Variants in ZNF462 observed in about 807,000 individuals in gnomAD.
ZNF462 encodes zinc finger PBX1-interacting protein.
In ZNF462, 10 loss-of-function variants were observed where a neutral mutation model predicts 201.9. The observed-to-expected ratio is 0.05, with a 90% CI of 0.03 to 0.08. The LOEUF (loss-of-function observed/expected upper bound fraction) is 0.08, where lower values mean the gene tolerates loss of function less well. Ranked by LOEUF, ZNF462 falls within the 10% of genes least tolerant of loss-of-function variation. The pLI is 1.00. For missense variants in ZNF462, 2,523 were observed against 3,168.3 expected (o/e 0.80, Z 4.89); for synonymous variants, 1,227 against 1,193.3 (o/e 1.03, Z -0.58).
At chr9:106,997,354 CTCAA>C (rs1300829892) in intron 10 of ZNF462, among the ~76,000 whole-genome samples, 1 of 152,124 alleles carries the variant, frequency 6.6e-6, no homozygotes, top group Non-Finnish European at 1.5e-5. Context: ...AAATCAGTGT[CTCAA>C]AGAGCTACTG....
intron 1 of ZNF462, among the ~76,000 whole-genome samples, chr9:106,888,215 G>A (rs1173366714): frequency 2.6e-4 from 40 of 151,222 alleles, no homozygotes; most frequent in Admixed American, 2.6e-3. Context: ...CTAATTTTTT[G>A]TATTTTTAGT....
Position 106,926,654 on chromosome 9 carries a change from T to C in ZNF462, c.2742T>C (p.Asn914=), listed in dbSNP as rs1203711630. The C allele has an allele frequency of 1.2e-6, 2 of 1,613,752 alleles. No individual in the cohort carries two copies. The highest frequency in any genetic ancestry group is 1.7e-5 in the Admixed American group (1 of 59,988). The part of the protein sequence containing the change: ...HYGEHHPEAM[N]VLNFDHSDLI... ...GCGAGCACCACCCAGAAGCCATGAA[T>C]GTACTCAACTTTGATCACTCGGACC... Residue 914 remains asparagine, a synonymous_variant, in exon 3 of 13, where the codon AAT becomes AAC. Coordinates refer to ENST00000277225, the MANE Select transcript of ZNF462 (RefSeq NM_021224.6). This position sits in a 1 kb window ranked among gnomAD's most constrained non-coding sequence, Gnocchi z 7.9.
intron 7 of ZNF462, among the ~76,000 whole-genome samples, chr9:106,961,751 G>A (rs1324061953): frequency 6.6e-6 from 1 of 151,996 alleles, no homozygotes; most frequent in Non-Finnish European, 1.5e-5. Context: ...AGCATGATAT[G>A]TAGTAGTAGG....
At position 106,876,037 on chromosome 9, in the gene ZNF462, C is replaced by G. The variant is rs1443636236; in HGVS notation, c.-31+12682C>G. ...TGCAAATAGTCATCTCTTAGAATTTCTGGGGTGAAAATGCAGTTCTCTGTG... is the reference window on the plus strand; with the variant it reads ...TGCAAATAGTCATCTCTTAGAATTTGTGGGGTGAAAATGCAGTTCTCTGTG... On this transcript the variant is annotated intron_variant, in intron 1 of 12. Coordinates refer to ENST00000277225, the MANE Select transcript of ZNF462 (RefSeq NM_021224.6). This position sits in a 1 kb window ranked among gnomAD's most constrained non-coding sequence, Gnocchi z 4.9. Among the ~76,000 whole-genome samples the G allele has an allele frequency of 1.3e-5, 2 of 152,080 alleles. No individual in the cohort carries two copies. Among genetic ancestry groups the G allele is most frequent in the African/African-American group, 4.8e-5 (2 of 41,400 alleles).
intron 1 of ZNF462, among the ~76,000 whole-genome samples, chr9:106,894,980 T>C (rs1306713424): frequency 1.3e-5 from 2 of 152,206 alleles, no homozygotes; most frequent in Non-Finnish European, 2.9e-5. Context: ...ATGGCTGGCA[T>C]GATTTTTTAA....
chr9:106,892,840 T>G (rs1828647527), intron 1 of ZNF462, among the ~76,000 whole-genome samples: 1 of 152,174 alleles, frequency 6.6e-6, no homozygotes, highest in African/African-American at 2.4e-5. Context: ...AGAGAGCCTT[T>G]CACCCTTAAT....
intron 7 of ZNF462, among the ~76,000 whole-genome samples, chr9:106,956,581 A>T (rs1194539293): frequency 2.6e-5 from 4 of 152,058 alleles, no homozygotes. Context: ...GCCAGTTATT[A>T]ACTTCCCCTT....
chr9:106,987,009 A>C (rs190953208), intron 10 of ZNF462, among the ~76,000 whole-genome samples: 169 of 152,084 alleles, frequency 1.1e-3, no homozygotes, highest in African/African-American at 3.8e-3. Context: ...AGATAGATAG[A>C]TAGATAGATA....
intron 10 of ZNF462, among the ~76,000 whole-genome samples, chr9:106,987,856 G>A (rs1414537254): frequency 6.6e-6 from 1 of 152,108 alleles, no homozygotes; most frequent in Non-Finnish European, 1.5e-5. Flanking sequence ...GAGAGATGAG[G>A]ATCCAGTTTC....
intron 1 of ZNF462, among the ~76,000 whole-genome samples, chr9:106,864,039 G>GCTCGCGCGCT (rs1827179488): frequency 4.4e-5 from 1 of 22,722 alleles, no homozygotes; most frequent in Non-Finnish European, 1.0e-4. Flanking sequence ...CAGGTATTTG[G>GCTCGCGCGCT]CTCTCTCTCT....
At chr9:106,900,730 G>A (rs1483658832) in intron 1 of ZNF462, among the ~76,000 whole-genome samples, 1 of 151,884 alleles carries the variant, frequency 6.6e-6, no homozygotes, top group Non-Finnish European at 1.5e-5. Flanking sequence ...CTTTTTGATG[G>A]GATTGTTGTT....
At chr9:106,945,355 A>T (rs776413622) in intron 7 of ZNF462, among the ~76,000 whole-genome samples, 1 of 152,180 alleles carries the variant, frequency 6.6e-6, no homozygotes. Flanking sequence ...AAGATCTGGG[A>T]TGCTTTATTT....
chr9:106,888,843 A>G (rs1828444954), intron 1 of ZNF462, among the ~76,000 whole-genome samples: 1 of 152,244 alleles, frequency 6.6e-6, no homozygotes, highest in Non-Finnish European at 1.5e-5. Context: ...CACCATTTAT[A>G]GAATCATCAA....
At position 106,963,860 on chromosome 9, in the gene ZNF462, C is replaced by T. The variant is rs908581519; in HGVS notation, c.6428-8145C>T. On this transcript the variant is annotated intron_variant, in intron 7 of 12. Coordinates refer to ENST00000277225, the MANE Select transcript of ZNF462 (RefSeq NM_021224.6). This position sits in a 1 kb window ranked among gnomAD's most constrained non-coding sequence, Gnocchi z 4.7. ...ACTCTCCACTTCCTTCTACCCACAGCCCCTGGCAACCACCATTCTACTGTC... is the reference window on the plus strand; with the variant it reads ...ACTCTCCACTTCCTTCTACCCACAGTCCCTGGCAACCACCATTCTACTGTC... 7.9e-5 allele frequency among the ~76,000 whole-genome samples: 12 copies of T among 152,060 alleles called. No homozygotes were observed. Among genetic ancestry groups the T allele is most frequent in the Admixed American group, 3.9e-4 (6 of 15,260 alleles).
chr9:106,864,306 G>C (rs1827230935), intron 1 of ZNF462, among the ~76,000 whole-genome samples: 1 of 151,784 alleles, frequency 6.6e-6, no homozygotes, highest in Admixed American at 6.6e-5. Context: ...GAGGACAACG[G>C]TTTCTGGAGA....
In ZNF462 at chr9:107,003,327, A is replaced by C; in HGVS notation, c.7090A>C (p.Asn2364His). The change falls in exon 11 of 13, where the codon AAC becomes CAC. Residue 2364 changes from asparagine (N) to histidine (H), a missense_variant. Physicochemically the swap from Asn to His is moderately conservative, Grantham distance 68 (BLOSUM62 1). Around this residue, in one of 15 missense-constraint regions of ZNF462, gnomAD observed 228 missense variants for 361.2 expected, o/e 0.63. Transcript: ENST00000277225. This position sits in a 1 kb window ranked among gnomAD's most constrained non-coding sequence, Gnocchi z 4.4. ...TAACTTTGAGCTGGTTGGACGGGTTAACTTGGATCAGCTGGAACAGATGAA... is the reference window on the plus strand; with the variant it reads ...TAACTTTGAGCTGGTTGGACGGGTTCACTTGGATCAGCTGGAACAGATGAA... ...SRNFELVGRV[N>H]LDQLEQMKEK... The C allele has an allele frequency of 1.9e-6, 3 of 1,613,876 alleles. No homozygotes were observed. Among genetic ancestry groups the C allele is most frequent in the Non-Finnish European group, 2.5e-6 (3 of 1,179,854 alleles).
Position 106,938,884 on chromosome 9 carries a change from C to T in ZNF462, c.6236-32C>T, listed in dbSNP as rs1281281705. Reference sequence around the variant, plus strand: ...CTTATACCCTTCTCCCCTCTTTTTCCTGTTCTATTTCTTGTCACCATCCTC... The same window carrying T: ...CTTATACCCTTCTCCCCTCTTTTTCTTGTTCTATTTCTTGTCACCATCCTC... On this transcript the variant is annotated intron_variant, in intron 6 of 12. Transcript: ENST00000277225. The surrounding 1 kb of genome is among the most constrained non-coding windows in gnomAD (Gnocchi z 4.4). The T allele has an allele frequency of 8.3e-6, 13 of 1,563,132 alleles. No homozygotes were observed. In the Admixed American group the frequency reaches 1.1e-4, roughly 13 times the overall value.
intron 1 of ZNF462, among the ~76,000 whole-genome samples, chr9:106,864,066 C>CTCTCTCTCTCTCTGTCTCTCTG (rs1827192846): frequency 8.8e-6 from 1 of 113,030 alleles, no homozygotes; most frequent in African/African-American, 3.6e-5. Flanking sequence ...CTCTCTCTCT[C>CTCTCTCTCTCTCTGTCTCTCTG]TCTCTCTCTC....
Position 106,923,380 on chromosome 9 carries a change from G to C in ZNF462, c.-4G>C. On this transcript the variant is annotated 5_prime_UTR_variant, in exon 2 of 13. Transcript: ENST00000277225. The surrounding 1 kb of genome is among the most constrained non-coding windows in gnomAD (Gnocchi z 5.6). ...TTCCTAATGTGAGAGGCTAGACCCA[G>C]ATCATGGAGGTGCTTCAGTGTGATG... is the stretch of plus-strand genomic sequence containing the variant. 1 of 1,614,074 alleles carries C rather than the reference G, an allele frequency of 6.2e-7. No individual in the cohort carries two copies. The highest frequency in any genetic ancestry group is 1.7e-4 in the Middle Eastern group (1 of 5,978).
Sources: gnomAD v4.1 joint callset for allele counts (sites outside exome capture counted in the v4.1 genomes callset) on GRCh38, gnomAD v4.1.1 for gene constraint, gnomAD v4.1.1 regional missense constraint, Gnocchi (gnomAD v3.1) non-coding constraint, MANE v1.5 for transcripts, NCBI Gene and HGNC (gene_info 2026-07-23, HGNC 2026-07-21) for gene names.